The following USP9X variants were observed in gnomAD, a reference collection of about 807,000 sequenced individuals.
USP9X encodes ubiquitin carboxyl-terminal hydrolase 9X.
In USP9X, 7 loss-of-function variants were observed where a neutral mutation model predicts 190.3. That is an observed-to-expected ratio of 0.04 (90% CI 0.02 to 0.07). The LOEUF is 0.07. USP9X is among the 10% of genes least tolerant of loss of function. The pLI, the probability that USP9X is intolerant of heterozygous loss-of-function variation, is 1.00. For synonymous variants in USP9X, 645 were observed against 659.5 expected (o/e 0.98, Z 0.34); for missense variants, 1,010 against 1,916.9 (o/e 0.53, Z 8.83).
rs1303684132 is a variant in USP9X at position 41,216,553 on chromosome X, G to A, written c.5986G>A (p.Val1996Ile). ...AIERSVRKQN[V>I]QFMHNRMQYS... ...TGAGAGAAGTGTACGGAAACAGAACGTACAATTCATGCATAACCGAATGCA... is the reference window on the plus strand; with the variant it reads ...TGAGAGAAGTGTACGGAAACAGAACATACAATTCATGCATAACCGAATGCA... Residue 1996 changes from valine to isoleucine, a missense_variant, in exon 35 of 45, where the codon GTA (valine) becomes ATA (isoleucine). Val to Ile is a conservative substitution (Grantham distance 29, BLOSUM62 3). Transcript: ENST00000378308. 6 of 1,211,197 alleles carry A rather than the reference G, an allele frequency of 5.0e-6. No homozygotes were observed. The highest frequency in any genetic ancestry group is 3.5e-5 in the South Asian group (2 of 56,956).
intron 39 of USP9X, 59 bp from the exon 40 acceptor site, chrX:41,224,683 T>G: frequency 1.1e-6 from 1 of 943,694 alleles, no homozygotes; most frequent in Non-Finnish European, 1.5e-6. Flanking sequence ...GTGAAAGTTG[T>G]GTATTATTAT....
chrX:41,206,047 C>T lies in USP9X; in HGVS notation c.5015+554C>T, dbSNP rs142336609. Reference sequence around the variant, plus strand: ...CTGGGATTACAGGCACCCACCACCACGCCTAGCTGATTTTTTGTATTTTTA... The same window carrying T: ...CTGGGATTACAGGCACCCACCACCATGCCTAGCTGATTTTTTGTATTTTTA... On this transcript the variant is annotated intron_variant, in intron 32 of 44. Coordinates refer to ENST00000378308, the MANE Select transcript of USP9X (RefSeq NM_001039591.3). Among the ~76,000 whole-genome samples the T allele has an allele frequency of 7.2e-4, 78 of 109,030 alleles. No homozygotes were observed. In the East Asian group the frequency reaches 0.014, roughly 19 times the overall value. 94.7% of individuals were successfully genotyped at this position (109,030 alleles called of 115,157 possible). A position where few individuals can be genotyped will look rare whatever the true frequency, so the allele number is the denominator to read the frequency against.
chrX:41,159,615 C>T (rs1013039044), intron 14 of USP9X, among the ~76,000 whole-genome samples: 14 of 110,741 alleles, frequency 1.3e-4, no homozygotes, highest in Non-Finnish European at 7.6e-5. Flanking sequence ...CTGCAACCTC[C>T]GCGTCCTGGG....
At chrX:41,151,201 T>C in intron 13 of USP9X, 144 bp downstream of exon 13, 1 of 540,396 alleles carries the variant, frequency 1.9e-6, no homozygotes, top group Non-Finnish European at 2.7e-6. Context: ...AACAAAAGAA[T>C]TCTTTATTAC....
chrX:41,095,064 A>G (rs2061980024), intron 1 of USP9X, among the ~76,000 whole-genome samples: 1 of 109,722 alleles, frequency 9.1e-6, no homozygotes, highest in Admixed American at 9.7e-5. Context: ...AAAAAAGTTC[A>G]GATTTTGGAG....
At chrX:41,165,728 A>T (rs1396181125) in intron 15 of USP9X, 144 bp from the exon 16 acceptor site, 1 of 524,414 alleles carries the variant, frequency 1.9e-6, no homozygotes, top group African/African-American at 2.4e-5. Flanking sequence ...AAAAGTAGAG[A>T]AATAGGTTAT....
chrX:41,100,765 GCCT>G (rs1427911899), intron 1 of USP9X, among the ~76,000 whole-genome samples: 22 of 111,064 alleles, frequency 2.0e-4, no homozygotes, highest in African/African-American at 6.9e-4. Flanking sequence ...TCCTACCTCA[GCCT>G]CCTCAGTAGC....
chrX:41,187,474 C>T (rs1461128235), intron 24 of USP9X, among the ~76,000 whole-genome samples: 1 of 112,328 alleles, frequency 8.9e-6, no homozygotes, highest in East Asian at 2.8e-4. Context: ...GATCATTTTC[C>T]CTTTTTGGCT....
chrX:41,169,381 C>T (rs2147121191), intron 18 of USP9X, among the ~76,000 whole-genome samples: 1 of 111,941 alleles, frequency 8.9e-6, no homozygotes, highest in East Asian at 2.8e-4. Context: ...TCATTTTCTG[C>T]AACCATAGAT....
chrX:41,161,723 C>T (rs2062634504), intron 14 of USP9X, among the ~76,000 whole-genome samples: 1 of 95,501 alleles, frequency 1.0e-5, no homozygotes, highest in Non-Finnish European at 2.0e-5. Context: ...CTCACTACAG[C>T]CTTGAACTCC....
chrX:41,157,359 C>T (rs1373751216), intron 14 of USP9X, among the ~76,000 whole-genome samples: 1 of 110,958 alleles, frequency 9.0e-6, no homozygotes, highest in African/African-American at 3.3e-5. Context: ...CTCCAAGCCA[C>T]ACAGACATGC....
chrX:41,215,802 A>T, intron 34 of USP9X, 97 bp from the exon 35 acceptor site: 1 of 878,667 alleles, frequency 1.1e-6, no homozygotes, highest in Non-Finnish European at 1.6e-6. Flanking sequence ...AAAAATTCAG[A>T]TAAGTCTTAA....
chrX:41,113,474 C>T (rs899491655), intron 1 of USP9X, among the ~76,000 whole-genome samples: 1 of 111,868 alleles, frequency 8.9e-6, no homozygotes, highest in East Asian at 2.8e-4. Context: ...GCTGGGGTTA[C>T]AGGCATGAGC....
At chrX:41,164,243 C>T (rs2062659931) in intron 15 of USP9X, among the ~76,000 whole-genome samples, 1 of 111,366 alleles carries the variant, frequency 9.0e-6, no homozygotes, top group Non-Finnish European at 1.9e-5. Flanking sequence ...ATTTATTGAA[C>T]TCTGTGCTTA....
chrX:41,125,241 A>G (rs2062226594), intron 2 of USP9X, among the ~76,000 whole-genome samples: 1 of 109,221 alleles, frequency 9.2e-6, no homozygotes, highest in Admixed American at 9.8e-5. Flanking sequence ...ACACTCAGCT[A>G]ATTTTTGTAT....
chrX:41,126,761 A>G (rs1303727640), intron 2 of USP9X, among the ~76,000 whole-genome samples: 1 of 111,934 alleles, frequency 8.9e-6, no homozygotes, highest in Non-Finnish European at 1.9e-5. Flanking sequence ...TTTATTTTAC[A>G]AGATCTGACA....
chrX:41,225,494 C>T (rs940819286), intron 41 of USP9X, among the ~76,000 whole-genome samples: 1 of 111,741 alleles, frequency 8.9e-6, no homozygotes, highest in Admixed American at 9.5e-5. Context: ...TCACTTGAAG[C>T]AACTTAGTCA....
rs375618476 is a variant in USP9X at position 41,131,567 on chromosome X, T to A, written c.322+31T>A. 1.7e-4 allele frequency: 190 copies of A among 1,132,091 alleles called. 1 individual carries two copies. Among genetic ancestry groups the A allele is most frequent in the Middle Eastern group, 1.5e-3 (6 of 3,901 alleles). The allele number at this position is 1,132,091 out of a possible 1,213,427, so 93.3% of individuals were successfully genotyped here. ...TTATATGTTTTTATGCTTCCTATAA[T>A]GTATGCTACTAGATGTATTTTTACT... is the stretch of plus-strand genomic sequence containing the variant. On this transcript the variant is annotated intron_variant, in intron 4 of 44. Transcript: ENST00000378308.
At chrX:41,212,020 G>T (rs1225974296) in intron 33 of USP9X, among the ~76,000 whole-genome samples, 3 of 107,543 alleles carry the variant, frequency 2.8e-5, no homozygotes, top group Non-Finnish European at 4.0e-5. Flanking sequence ...GGAATAGAAA[G>T]GGGGGAAAGG....
Sources: gnomAD v4.1 joint callset for allele counts (sites outside exome capture counted in the v4.1 genomes callset) on GRCh38, gnomAD v4.1.1 for gene constraint, MANE v1.5 for transcripts, NCBI Gene and HGNC (gene_info 2026-07-23, HGNC 2026-07-21) for gene names.